FAM228B: variants seen among roughly 807,000 people sequenced by gnomAD.
The protein encoded by FAM228B is family with sequence similarity 228 member B, also known as protein FAM228B.
Under a neutral mutation model 42.6 loss-of-function variants are expected in FAM228B, and 38 were observed. That is an observed-to-expected ratio of 0.89 (90% CI 0.69 to 1.17). FAM228B has a LOEUF of 1.17. Among genes scored for constraint, FAM228B ranks in the 50% most tolerant of loss-of-function variants. The probability of loss-of-function intolerance (pLI) is 0.00; values close to 1 mark genes in which losing one functional copy is unlikely to be tolerated. For synonymous variants in FAM228B, 109 were observed against 122.3 expected (o/e 0.89, Z 0.72); for missense variants, 344 against 367.3 (o/e 0.94, Z 0.52).
rs1011847219 is a variant in FAM228B at position 24,135,023 on chromosome 2, T to C, written c.100-96T>C. The C allele has an allele frequency of 1.1e-5, 9 of 801,810 alleles. No homozygotes were observed. The Admixed American group carries it at 1.8e-4, about 16-fold the overall frequency. 49.7% of individuals were successfully genotyped at this position (801,810 alleles called of 1,614,324 possible). ...AACAAACTGCATGCATAGAGAACTTTCCAGGGATATGTCTGTCATGCTAAA... is the reference window on the plus strand; with the variant it reads ...AACAAACTGCATGCATAGAGAACTTCCCAGGGATATGTCTGTCATGCTAAA... On this transcript the variant is annotated intron_variant, in intron 2 of 10. Transcript: ENST00000615575.
In FAM228B at chr2:24,155,752, G is replaced by T. The variant is rs185883584; in HGVS notation, c.687-5754G>T. ...GACAGGGTTTCACCGTGTTGGCCAG[G>T]CTGGTCTCGAACTCCTGACCTCAGG... On this transcript the variant is annotated intron_variant, in intron 7 of 10. Transcript: ENST00000615575. 2.6e-3 allele frequency among the ~76,000 whole-genome samples: 395 copies of T among 151,804 alleles called. 11 individuals are homozygous for T. In the East Asian group the frequency reaches 0.048, roughly 18 times the overall value.
intron 2 of FAM228B, chr2:24,087,521 G>A (rs1665288210): frequency 6.6e-6 from 1 of 152,134 alleles, no homozygotes; most frequent in Non-Finnish European, 1.5e-5. Context: ...ACTTAGGGTG[G>A]GGGCCCTAGA....
chr2:24,143,471 G>A (rs1666813539), intron 5 of FAM228B, among the ~76,000 whole-genome samples: 1 of 152,170 alleles, frequency 6.6e-6, no homozygotes, highest in Non-Finnish European at 1.5e-5. Flanking sequence ...TGGGATTACA[G>A]GCATGAACCA....
chr2:24,155,277 CCTTA>C (rs1667108643), intron 7 of FAM228B, among the ~76,000 whole-genome samples: 3 of 151,648 alleles, frequency 2.0e-5, no homozygotes, highest in South Asian at 4.2e-4. Flanking sequence ...TTGTTTCCAC[CCTTA>C]CTTACTTATT....
chr2:24,128,314 C>G (rs1348805778), intron 2 of FAM228B, among the ~76,000 whole-genome samples: 1 of 152,106 alleles, frequency 6.6e-6, no homozygotes, highest in Non-Finnish European at 1.5e-5. Flanking sequence ...GTCTTGAACT[C>G]CTGGCCTCAA....
intron 3 of FAM228B, among the ~76,000 whole-genome samples, chr2:24,136,342 A>C (rs1444994476): frequency 6.6e-6 from 1 of 151,696 alleles, no homozygotes; most frequent in Non-Finnish European, 1.5e-5. Flanking sequence ...TTCTGCCTCA[A>C]CCTCCCAAGT....
chr2:24,129,821 A>T (rs984480736), intron 2 of FAM228B, among the ~76,000 whole-genome samples: 1 of 151,682 alleles, frequency 6.6e-6, no homozygotes, highest in Non-Finnish European at 1.5e-5. Context: ...TTCTTATTTT[A>T]CTTTAAGTTC....
chr2:24,087,777 A>ATTTTTT, intron 2 of FAM228B, among the ~76,000 whole-genome samples: 1 of 128,226 alleles, frequency 7.8e-6, no homozygotes, highest in Non-Finnish European at 1.7e-5. Flanking sequence ...CACCAGGGTA[A>ATTTTTT]TTTTTTTTTT....
chr2:24,099,987 T>C (rs1381987534), intron 3 of FAM228B, among the ~76,000 whole-genome samples: 1 of 152,180 alleles, frequency 6.6e-6, no homozygotes, highest in African/African-American at 2.4e-5. Flanking sequence ...CATCTGATCT[T>C]TGACAAACCT....
chr2:24,124,147 T>G (rs1038168694), intron 1 of FAM228B, 183 bp from the exon 2 acceptor site: 18 of 439,160 alleles, frequency 4.1e-5, no homozygotes, highest in Non-Finnish European at 6.5e-5. Context: ...TCTCGCCTGC[T>G]TATAAAGGAG....
intron 5 of FAM228B, 68 bp from the exon 6 acceptor site, chr2:24,146,680 A>C: frequency 9.1e-7 from 1 of 1,097,758 alleles, no homozygotes; most frequent in Non-Finnish European, 1.3e-6. Flanking sequence ...GTGGATGCTT[A>C]GAATAGACTG....
chr2:24,151,629 T>TTTA (rs1667025613), intron 7 of FAM228B, among the ~76,000 whole-genome samples: 1 of 151,022 alleles, frequency 6.6e-6, no homozygotes, highest in Non-Finnish European at 1.5e-5. Flanking sequence ...TTTTTTTTTT[T>TTTA]AGCTCATTAG....
intron 2 of FAM228B, among the ~76,000 whole-genome samples, chr2:24,087,950 C>T (rs1352475976): frequency 6.6e-6 from 1 of 152,056 alleles, no homozygotes; most frequent in Admixed American, 6.6e-5. Flanking sequence ...TTGCAACAGT[C>T]CAGGCTGGTC....
intron 2 of FAM228B, 30 bp downstream of exon 2, chr2:24,124,490 AT>A: frequency 2.8e-6 from 4 of 1,422,238 alleles, no homozygotes; most frequent in South Asian, 1.3e-5. Context: ...GGATTTGGAG[AT>A]TTTTTTACTT....
chr2:24,146,661 C>A, intron 5 of FAM228B, 87 bp from the exon 6 acceptor site: 1 of 781,998 alleles, frequency 1.3e-6, no homozygotes, highest in Non-Finnish European at 2.0e-6. Context: ...GCATAAGAGC[C>A]ATCCATATGT....
intron 4 of FAM228B, among the ~76,000 whole-genome samples, chr2:24,138,647 T>G (rs183720977): frequency 6.7e-6 from 1 of 150,356 alleles, no homozygotes; most frequent in Admixed American, 6.6e-5. Context: ...CCCCATGTAA[T>G]TATTAATTTT....
At chr2:24,108,766 TG>T (rs1665741135) in intron 3 of FAM228B, among the ~76,000 whole-genome samples, 2 of 151,770 alleles carry the variant, frequency 1.3e-5, no homozygotes, top group Admixed American at 1.3e-4. Flanking sequence ...CTGGGTGTGG[TG>T]GTGGGTACCT....
In FAM228B at chr2:24,115,558, T is replaced by G. The variant is rs1056123; in HGVS notation, c.-120-19561T>G. ...TCAATTTTCTTCTAAAATAATAAAATTGTCTTTCATGGGCCTCTGATGACT... is the reference window on the plus strand; with the variant it reads ...TCAATTTTCTTCTAAAATAATAAAAGTGTCTTTCATGGGCCTCTGATGACT... On this transcript the variant is annotated intron_variant, in intron 3 of 10. Coordinates refer to the FAM228B transcript ENST00000613899. 215,369 of 1,598,514 alleles carry G rather than the reference T, an allele frequency of 0.13. 15,635 individuals are homozygous for G. Among genetic ancestry groups the G allele is most frequent in the South Asian group, 0.17 (15,602 of 90,002 alleles).
At chr2:24,165,449 T>C (rs1179380916) in intron 9 of FAM228B, 1 of 471,124 alleles carries the variant, frequency 2.1e-6, no homozygotes, top group Non-Finnish European at 4.4e-6. Context: ...CTGCTGTCAG[T>C]CCCCTACGTG....
Sources: allele counts gnomAD v4.1 joint callset (sites outside exome capture counted in the v4.1 genomes callset), GRCh38; gene constraint gnomAD v4.1.1; transcripts MANE v1.5; gene names NCBI Gene and HGNC (gene_info 2026-07-23, HGNC 2026-07-21).